TASP1: variants seen among roughly 807,000 people sequenced by gnomAD.
TASP1 encodes taspase 1, also known as threonine aspartase 1.
A neutral mutation model predicts 56.6 loss-of-function variants in TASP1; 16 were observed. The observed-to-expected ratio is 0.28, with a 90% CI of 0.19 to 0.43. The LOEUF is 0.43. Ranked by LOEUF, TASP1 falls within the 20% of genes least tolerant of loss-of-function variation. The probability of loss-of-function intolerance (pLI) is 1.00; values close to 1 mark genes in which losing one functional copy is unlikely to be tolerated. For missense variants in TASP1, 393 were observed against 511.6 expected (o/e 0.77, Z 2.24); for synonymous variants, 179 against 184.2 (o/e 0.97, Z 0.23).
chr20:13,391,741 G>A (rs996953432), intron 13 of TASP1, among the ~76,000 whole-genome samples: 6 of 152,042 alleles, frequency 3.9e-5, no homozygotes, highest in Admixed American at 2.6e-4. Flanking sequence ...GCCGAGGCGG[G>A]CAGATCACGA....
the TASP1 span, among the ~76,000 whole-genome samples, chr20:13,112,490 A>G: frequency 6.6e-6 from 1 of 152,204 alleles, no homozygotes. Context: ...CCGATTCAAA[A>G]GAAGGTGAAA....
At chr20:13,449,015 C>T (rs2043517926) in intron 11 of TASP1, among the ~76,000 whole-genome samples, 1 of 152,088 alleles carries the variant, frequency 6.6e-6, no homozygotes, top group Non-Finnish European at 1.5e-5. Context: ...TTCACTGATA[C>T]AGTGTTTAAA....
the TASP1 span, among the ~76,000 whole-genome samples, chr20:13,182,872 T>A: frequency 6.6e-6 from 1 of 152,220 alleles, no homozygotes; most frequent in African/African-American, 2.4e-5. Context: ...TAGACATCGA[T>A]TGACAACAGT....
At chr20:13,264,995 T>C in the TASP1 span, among the ~76,000 whole-genome samples, 2 of 152,130 alleles carry the variant, frequency 1.3e-5, no homozygotes, top group South Asian at 4.2e-4. Flanking sequence ...CACAGCGCAG[T>C]GTGATAGAAG....
At chr20:13,327,694 C>A in the TASP1 span, among the ~76,000 whole-genome samples, 1 of 152,160 alleles carries the variant, frequency 6.6e-6, no homozygotes. Flanking sequence ...TTGACAAAAA[C>A]AAGCAATGGG....
chr20:13,433,360 C>A (rs1249692817), intron 12 of TASP1, among the ~76,000 whole-genome samples: 1 of 152,088 alleles, frequency 6.6e-6, no homozygotes, highest in Admixed American at 6.6e-5. Flanking sequence ...TTGGGTTTAA[C>A]TATCTAACTG....
the TASP1 span, among the ~76,000 whole-genome samples, chr20:13,107,604 AC>A: frequency 0.01 from 1,576 of 152,302 alleles, 9 homozygotes; most frequent in Non-Finnish European, 0.015. Context: ...AGAGAAAAAA[AC>A]AAAGAAAAGG....
the TASP1 span, among the ~76,000 whole-genome samples, chr20:13,140,816 T>C: frequency 3.9e-5 from 6 of 152,252 alleles, no homozygotes; most frequent in Non-Finnish European, 5.9e-5. Context: ...ACTTATAATG[T>C]ATGTGCACTG....
chr20:13,580,650 T>C (rs2047087102), intron 6 of TASP1, among the ~76,000 whole-genome samples: 1 of 152,174 alleles, frequency 6.6e-6, no homozygotes, highest in Non-Finnish European at 1.5e-5. Context: ...TGGACTACAA[T>C]GTGTAAGTTT....
intron 8 of TASP1, among the ~76,000 whole-genome samples, chr20:13,541,383 T>A (rs533573040): frequency 6.6e-6 from 1 of 152,134 alleles, no homozygotes; most frequent in Admixed American, 6.6e-5. Flanking sequence ...AAGACATTTA[T>A]CAATATATAA....
chr20:13,284,304 G>A, the TASP1 span, among the ~76,000 whole-genome samples: 2 of 152,152 alleles, frequency 1.3e-5, no homozygotes, highest in African/African-American at 2.4e-5. Context: ...ACTAAGAAAG[G>A]ACTACTTTAA....
chr20:13,541,772 A>C (rs2045630483), intron 8 of TASP1, among the ~76,000 whole-genome samples: 1 of 152,184 alleles, frequency 6.6e-6, no homozygotes, highest in Non-Finnish European at 1.5e-5. Flanking sequence ...TTCATGAAGA[A>C]GGGAAATAAA....
At chr20:13,154,286 C>A in the TASP1 span, 27 of 940,762 alleles carry the variant, frequency 2.9e-5, no homozygotes, top group South Asian at 3.9e-4. Flanking sequence ...ACCTGTCACT[C>A]TATCAGCTAG....
At chr20:13,351,850 G>C in the TASP1 span, among the ~76,000 whole-genome samples, 1 of 152,180 alleles carries the variant, frequency 6.6e-6, no homozygotes, top group African/African-American at 2.4e-5. Flanking sequence ...TAGAACATTT[G>C]ATGATGGAAA....
the TASP1 span, among the ~76,000 whole-genome samples, chr20:13,119,861 G>A: frequency 6.6e-6 from 1 of 152,200 alleles, no homozygotes; most frequent in African/African-American, 2.4e-5. Flanking sequence ...TATCCCTGAT[G>A]ACTTAAAAAT....
chr20:13,117,126 C>T, the TASP1 span, among the ~76,000 whole-genome samples: 1 of 152,188 alleles, frequency 6.6e-6, no homozygotes, highest in African/African-American at 2.4e-5. Context: ...CAATGCCAGG[C>T]TGATAAAGGG....
At chr20:13,420,248 T>C (rs2042389839) in intron 12 of TASP1, among the ~76,000 whole-genome samples, 1 of 152,212 alleles carries the variant, frequency 6.6e-6, no homozygotes, top group Non-Finnish European at 1.5e-5. Context: ...TGTAGTCTGC[T>C]TTCAAAAAAT....
At chr20:13,325,471 AGAGGG>A in the TASP1 span, among the ~76,000 whole-genome samples, 2 of 152,118 alleles carry the variant, frequency 1.3e-5, no homozygotes, top group Admixed American at 6.6e-5. Context: ...AGATGTCATG[AGAGGG>A]TCCACAGTTT....
chr20:13,406,111 A>C (rs572948657), intron 13 of TASP1, among the ~76,000 whole-genome samples: 13 of 152,286 alleles, frequency 8.5e-5, no homozygotes, highest in Non-Finnish European at 1.9e-4. Context: ...CTGGTACTGT[A>C]AGTCCTCTAA....
Sources: gnomAD v4.1 joint callset for allele counts (sites outside exome capture counted in the v4.1 genomes callset) on GRCh38, gnomAD v4.1.1 for gene constraint, MANE v1.5 for transcripts, NCBI Gene and HGNC (gene_info 2026-07-23, HGNC 2026-07-21) for gene names.